The following IMMP1L variants were observed in gnomAD, a reference collection of about 807,000 sequenced individuals.
IMMP1L encodes mitochondrial inner membrane protease subunit 1.
Under a neutral mutation model 21.8 loss-of-function variants are expected in IMMP1L, and 24 were observed. The ratio of observed to expected loss-of-function variants is 1.10; its 90% confidence interval spans 0.80 to 1.55. The LOEUF (loss-of-function observed/expected upper bound fraction) is 1.55, where lower values mean the gene tolerates loss of function less well. IMMP1L is among the 40% of genes most tolerant of loss of function. The probability of loss-of-function intolerance (pLI) is 0.00; values close to 1 mark genes in which losing one functional copy is unlikely to be tolerated. For synonymous variants in IMMP1L, 46 were observed against 62.8 expected (o/e 0.73, Z 1.26); for missense variants, 195 against 200.7 (o/e 0.97, Z 0.17).
chr11:31,446,699 A>G (rs936513857), intron 4 of IMMP1L, among the ~76,000 whole-genome samples: 3 of 152,158 alleles, frequency 2.0e-5, no homozygotes, highest in Non-Finnish European at 2.9e-5. Context: ...GCTTTCTTTG[A>G]CTAACTCCTA....
intron 1 of IMMP1L, among the ~76,000 whole-genome samples, chr11:31,486,928 A>C (rs1428408716): frequency 6.6e-6 from 1 of 151,968 alleles, no homozygotes; most frequent in Non-Finnish European, 1.5e-5. Flanking sequence ...TTACCATTAA[A>C]GTCATGATAC....
chr11:31,499,845 C>A (rs1290813981), intron 1 of IMMP1L, among the ~76,000 whole-genome samples: 1 of 151,928 alleles, frequency 6.6e-6, no homozygotes, highest in African/African-American at 2.4e-5. Flanking sequence ...TAGCCAAGCA[C>A]AAACATGAGA....
rs949511903 is a variant in IMMP1L at position 31,452,565 on chromosome 11, T to C, written c.321+3695A>G. 6.1e-6 allele frequency: 6 copies of C among 985,454 alleles called. No individual in the cohort carries two copies. In the Admixed American group the frequency reaches 2.5e-4, roughly 40 times the overall value. The allele number at this position is 985,454 out of a possible 1,614,324, so 61.0% of individuals were successfully genotyped here. ...TGGCTTCAAGCAGCAAACTGAGGAA[T>C]TCCTGTAGAATATACAGAAAGGCAA... On this transcript the variant is annotated intron_variant, in intron 4 of 5. Coordinates refer to ENST00000532287, the MANE Select transcript of IMMP1L (RefSeq NM_001304274.2).
intron 4 of IMMP1L, among the ~76,000 whole-genome samples, chr11:31,443,236 T>C (rs1380502178): frequency 6.6e-6 from 1 of 152,160 alleles, no homozygotes; most frequent in Non-Finnish European, 1.5e-5. Context: ...TAAAAAGATC[T>C]CATAAAACCC....
intron 1 of IMMP1L, among the ~76,000 whole-genome samples, chr11:31,501,395 T>A (rs1955613083): frequency 1.3e-5 from 2 of 152,190 alleles, no homozygotes; most frequent in Admixed American, 1.3e-4. Context: ...ATAAATGAGA[T>A]TGAGGCTGAG....
At chr11:31,471,926 G>A (rs959161695) in intron 1 of IMMP1L, among the ~76,000 whole-genome samples, 1 of 152,166 alleles carries the variant, frequency 6.6e-6, no homozygotes, top group African/African-American at 2.4e-5. Context: ...GGCTTTAGGG[G>A]AGAATCCATT....
chr11:31,482,951 GATAA>G (rs1172215197), intron 1 of IMMP1L, among the ~76,000 whole-genome samples: 13 of 151,806 alleles, frequency 8.6e-5, no homozygotes, highest in Non-Finnish European at 1.8e-4. Context: ...CAGTAGAATG[GATAA>G]ATAATAGTTA....
chr11:31,491,571 G>C (rs577328298), intron 1 of IMMP1L, among the ~76,000 whole-genome samples: 2 of 152,262 alleles, frequency 1.3e-5, no homozygotes, highest in East Asian at 3.9e-4. Flanking sequence ...TGTTTTCTCC[G>C]GGCTGCTTAC....
At chr11:31,499,237 C>T (rs1955542893) in intron 1 of IMMP1L, among the ~76,000 whole-genome samples, 1 of 152,020 alleles carries the variant, frequency 6.6e-6, no homozygotes, top group Non-Finnish European at 1.5e-5. Context: ...TGGTGGCGGG[C>T]ACCTGTAGTC....
chr11:31,475,826 T>C (rs911923660), intron 1 of IMMP1L, among the ~76,000 whole-genome samples: 1 of 152,150 alleles, frequency 6.6e-6, no homozygotes, highest in African/African-American at 2.4e-5. Context: ...ATTTGAGACG[T>C]TCTAAAGAAA....
At chr11:31,448,246 T>C (rs920507665) in intron 4 of IMMP1L, among the ~76,000 whole-genome samples, 1 of 152,144 alleles carries the variant, frequency 6.6e-6, no homozygotes, top group Admixed American at 6.5e-5. Context: ...AAGGCAGAGG[T>C]TGCAGTGAGC....
intron 4 of IMMP1L, among the ~76,000 whole-genome samples, chr11:31,443,566 C>T (rs747149339): frequency 3.9e-5 from 6 of 152,084 alleles, no homozygotes; most frequent in Non-Finnish European, 5.9e-5. Flanking sequence ...TAATTAAGGC[C>T]GAGGAGTATC....
At chr11:31,478,562 C>T (rs1954795640) in intron 1 of IMMP1L, among the ~76,000 whole-genome samples, 1 of 152,116 alleles carries the variant, frequency 6.6e-6, no homozygotes, top group Admixed American at 6.6e-5. Flanking sequence ...TGTGCCAACA[C>T]TTTAAATGCA....
chr11:31,480,045 T>C (rs535485005), intron 1 of IMMP1L, among the ~76,000 whole-genome samples: 1 of 152,114 alleles, frequency 6.6e-6, no homozygotes, highest in South Asian at 2.1e-4. Context: ...GTCCAGTAAA[T>C]ACAGGTTTTT....
chr11:31,468,541 T>TA (rs1954439629), intron 1 of IMMP1L, among the ~76,000 whole-genome samples: 1 of 152,040 alleles, frequency 6.6e-6, no homozygotes, highest in African/African-American at 2.4e-5. Context: ...ATAAAACTTC[T>TA]AAAAAACAAA....
At chr11:31,445,917 T>C (rs559224469) in intron 4 of IMMP1L, among the ~76,000 whole-genome samples, 1 of 152,274 alleles carries the variant, frequency 6.6e-6, no homozygotes. Flanking sequence ...AAACAGACTA[T>C]GGACATCAAG....
At chr11:31,444,771 G>A (rs867393913) in intron 4 of IMMP1L, among the ~76,000 whole-genome samples, 3 of 151,942 alleles carry the variant, frequency 2.0e-5, no homozygotes, top group Non-Finnish European at 4.4e-5. Context: ...TGTATTTTTA[G>A]TAGACACAGG....
chr11:31,437,120 A>T (rs187585465), intron 4 of IMMP1L: 2 of 444,380 alleles, frequency 4.5e-6, no homozygotes, highest in Non-Finnish European at 9.1e-6. Flanking sequence ...ATCCACCTCT[A>T]TAAGTTGCAG....
intron 4 of IMMP1L, among the ~76,000 whole-genome samples, chr11:31,439,974 T>G (rs1033245484): frequency 3.5e-4 from 53 of 152,174 alleles, no homozygotes; most frequent in African/African-American, 1.3e-3. Flanking sequence ...AGTTTCACCA[T>G]AAGCAGGCAC....
Sources: allele counts gnomAD v4.1 joint callset (sites outside exome capture counted in the v4.1 genomes callset), GRCh38; gene constraint gnomAD v4.1.1; transcripts MANE v1.5; gene names NCBI Gene and HGNC (gene_info 2026-07-23, HGNC 2026-07-21).